Variants in LGSN observed in about 807,000 individuals in gnomAD.
LGSN encodes the protein lengsin, lens protein with glutamine synthetase domain.
A neutral mutation model predicts 19.5 loss-of-function variants in LGSN; 21 were observed. That is an observed-to-expected ratio of 1.07 (90% confidence interval 0.76 to 1.55). LGSN has a LOEUF of 1.55. Ranked by LOEUF, LGSN falls within the 40% of genes most tolerant of loss-of-function variation. The pLI is 0.00. For synonymous variants in LGSN, 257 were observed against 215.6 expected (o/e 1.19, Z -1.68); for missense variants, 673 against 608.5 (o/e 1.11, Z -1.12).
chr6:63,374,642 T>C, the LGSN span, among the ~76,000 whole-genome samples: 1 of 152,216 alleles, frequency 6.6e-6, no homozygotes, highest in African/African-American at 2.4e-5. Context: ...ACAAATGTAA[T>C]GGCTTAAAAC....
At chr6:63,291,700 G>A (rs999032245) in intron 2 of LGSN, among the ~76,000 whole-genome samples, 2 of 152,176 alleles carry the variant, frequency 1.3e-5, no homozygotes. Context: ...CAGGCTTGAG[G>A]GTGGGGCCTT....
At chr6:63,482,583 G>C in the LGSN span, among the ~76,000 whole-genome samples, 1 of 152,120 alleles carries the variant, frequency 6.6e-6, no homozygotes, top group Non-Finnish European at 1.5e-5. Context: ...ACAAAAATCA[G>C]CCAGGCATGG....
At chr6:63,377,111 T>G in the LGSN span, among the ~76,000 whole-genome samples, 1 of 152,248 alleles carries the variant, frequency 6.6e-6, no homozygotes, top group Non-Finnish European at 1.5e-5. Flanking sequence ...TTAGACTAAT[T>G]TTCCTCTTAC....
the LGSN span, among the ~76,000 whole-genome samples, chr6:63,399,146 C>T: frequency 1.3e-5 from 2 of 151,826 alleles, no homozygotes; most frequent in Admixed American, 1.3e-4. Flanking sequence ...TTTTACTGTA[C>T]CTCTTCTATG....
the LGSN span, among the ~76,000 whole-genome samples, chr6:63,523,988 C>CT: frequency 1.8e-4 from 27 of 148,792 alleles, no homozygotes; most frequent in Non-Finnish European, 2.5e-4. Flanking sequence ...TATCAATAGG[C>CT]TTTTTTTTTT....
chr6:63,283,914 G>A (rs1767423183), intron 3 of LGSN, among the ~76,000 whole-genome samples: 1 of 152,016 alleles, frequency 6.6e-6, no homozygotes, highest in South Asian at 2.1e-4. Flanking sequence ...TGGCCAGGCT[G>A]GTCTCAAATT....
chr6:63,440,457 G>A, the LGSN span, among the ~76,000 whole-genome samples: 1 of 152,064 alleles, frequency 6.6e-6, no homozygotes, highest in African/African-American at 2.4e-5. Flanking sequence ...ACCCTATAAT[G>A]TGTCTGTCTG....
At chr6:63,521,076 C>G in the LGSN span, among the ~76,000 whole-genome samples, 1 of 151,836 alleles carries the variant, frequency 6.6e-6, no homozygotes, top group Non-Finnish European at 1.5e-5. Flanking sequence ...TATACTGGGG[C>G]CTGTCACGGG....
chr6:63,457,585 A>G, the LGSN span, among the ~76,000 whole-genome samples: 1 of 152,224 alleles, frequency 6.6e-6, no homozygotes, highest in Non-Finnish European at 1.5e-5. Context: ...TAGGTTTTTA[A>G]ATTCAAATCA....
chr6:63,459,746 T>C, the LGSN span, among the ~76,000 whole-genome samples: 1 of 152,048 alleles, frequency 6.6e-6, no homozygotes, highest in African/African-American at 2.4e-5. Context: ...AAACCCTGTC[T>C]CTACTAAAAA....
chr6:63,500,533 T>A, the LGSN span, among the ~76,000 whole-genome samples: 1 of 152,264 alleles, frequency 6.6e-6, no homozygotes, highest in African/African-American at 2.4e-5. Context: ...GTGATTCTCC[T>A]GCCTCAGCCT....
chr6:63,543,019 C>A, the LGSN span, among the ~76,000 whole-genome samples: 1 of 152,156 alleles, frequency 6.6e-6, no homozygotes, highest in East Asian at 1.9e-4. Context: ...AGTTCCACTA[C>A]CCATCACAAC....
the LGSN span, among the ~76,000 whole-genome samples, chr6:63,417,106 C>G: frequency 0.12 from 17,527 of 152,054 alleles, 2,017 homozygotes; most frequent in African/African-American, 0.3. Flanking sequence ...TGCTTTGCCA[C>G]CTGACCCTTG....
At chr6:63,403,832 T>A in the LGSN span, among the ~76,000 whole-genome samples, 3 of 152,168 alleles carry the variant, frequency 2.0e-5, no homozygotes, top group Admixed American at 1.3e-4. Flanking sequence ...TCCTTCATCC[T>A]TAGGTGTGAG....
the LGSN span, among the ~76,000 whole-genome samples, chr6:63,560,310 C>T: frequency 6.9e-6 from 1 of 144,022 alleles, no homozygotes; most frequent in Admixed American, 7.1e-5. Context: ...TGCACTCCAG[C>T]CTGGGTGACA....
chr6:63,372,545 G>T, the LGSN span, among the ~76,000 whole-genome samples: 1 of 152,134 alleles, frequency 6.6e-6, no homozygotes, highest in Non-Finnish European at 1.5e-5. Context: ...AAATAGCAAA[G>T]AATTTATTCT....
At chr6:63,295,617 A>T (rs1369053470) in intron 1 of LGSN, among the ~76,000 whole-genome samples, 1 of 152,236 alleles carries the variant, frequency 6.6e-6, no homozygotes, top group Non-Finnish European at 1.5e-5. Flanking sequence ...TAAAACAAAC[A>T]TCATATCCAA....
At chr6:63,549,350 A>AGCTGGT in the LGSN span, 1 of 754,560 alleles carries the variant, frequency 1.3e-6, no homozygotes, top group African/African-American at 1.7e-5. Flanking sequence ...CATTTCACAA[A>AGCTGGT]GCTGGTTAGG....
At chr6:63,484,837 C>T in the LGSN span, among the ~76,000 whole-genome samples, 2 of 152,164 alleles carry the variant, frequency 1.3e-5, no homozygotes, top group African/African-American at 4.8e-5. Context: ...TAGCAAGGTC[C>T]TTAGTAAGGA....
Sources: gnomAD v4.1 joint callset for allele counts (sites outside exome capture counted in the v4.1 genomes callset) on GRCh38, gnomAD v4.1.1 for gene constraint, MANE v1.5 for transcripts, NCBI Gene and HGNC (gene_info 2026-07-23, HGNC 2026-07-21) for gene names.